The following GSN variants were observed in gnomAD, a reference collection of about 807,000 sequenced individuals.
The protein encoded by GSN is actin-depolymerizing factor.
GSN carries 56 observed loss-of-function variants against 85.7 expected under a neutral mutation model. The observed-to-expected ratio is 0.65, with a 90% CI of 0.53 to 0.82. The LOEUF is 0.82. GSN is among the 40% of genes least tolerant of loss of function. The pLI is 0.00. For missense variants in GSN, 857 were observed against 979.8 expected, an observed-to-expected ratio of 0.87 and a Z score of 1.67; for synonymous variants, 373 against 399.1, an observed-to-expected ratio of 0.93 and a Z score of 0.78.
upstream of GSN, among the ~76,000 whole-genome samples, chr9:121,206,852 C>G (rs1388148068): frequency 1.3e-5 from 2 of 152,156 alleles, no homozygotes; most frequent in African/African-American, 4.8e-5. Flanking sequence ...CAGGCGCAGG[C>G]CACCCTCCCA....
chr9:121,258,036 C>T (rs760768115), intron 6 of GSN, among the ~76,000 whole-genome samples: 12 of 152,214 alleles, frequency 7.9e-5, no homozygotes, highest in Non-Finnish European at 1.5e-4. Context: ...GTGATGATCA[C>T]AACTGTGTAA....
intron 11 of GSN, among the ~76,000 whole-genome samples, chr9:121,322,446 T>C (rs761425520): frequency 3.3e-5 from 5 of 152,258 alleles, no homozygotes; most frequent in Non-Finnish European, 5.9e-5. Flanking sequence ...AATTCCTTGA[T>C]GATGCATACT....
chr9:121,206,606 G>A (rs1027809374), upstream of GSN, among the ~76,000 whole-genome samples: 2 of 151,864 alleles, frequency 1.3e-5, no homozygotes, highest in African/African-American at 4.8e-5. Flanking sequence ...TAAAAAGCAA[G>A]CTTGAAATTT....
chr9:121,321,224 G>C (rs553447738), intron 10 of GSN, 44 bp from the exon 11 acceptor site: 1 of 1,609,974 alleles, frequency 6.2e-7, no homozygotes, highest in Non-Finnish European at 8.5e-7. Flanking sequence ...GAGCTGGGGG[G>C]TGGGGGTGCT....
In GSN at chr9:121,329,446, G is replaced by C. The variant is rs1360607255; in HGVS notation, c.1965+131G>C. The C allele has an allele frequency of 1.4e-6, 1 of 706,126 alleles. No homozygotes were observed. Among genetic ancestry groups the C allele is most frequent in the Non-Finnish European group, 2.6e-6 (1 of 384,504 alleles). The allele number at this position is 706,126 out of a possible 1,614,324, so 43.7% of individuals were successfully genotyped here. A position where few individuals can be genotyped will look rare whatever the true frequency, so the allele number is the denominator to read the frequency against. ...GGTGTTGCCAGAAAAGTCTCTAAGGGTACTGGAAGTCACTTCTTCTTTCTG... is the reference window on the plus strand; with the variant it reads ...GGTGTTGCCAGAAAAGTCTCTAAGGCTACTGGAAGTCACTTCTTCTTTCTG... On this transcript the variant is annotated intron_variant, in intron 16 of 17. Coordinates refer to ENST00000432226, the MANE Select transcript of GSN (RefSeq NM_198252.3). This position sits in a 1 kb window ranked among gnomAD's most constrained non-coding sequence, Gnocchi z 4.6.
chr9:121,217,769 T>G (rs2132097217), intron 4 of GSN, among the ~76,000 whole-genome samples: 1 of 149,218 alleles, frequency 6.7e-6, no homozygotes, highest in South Asian at 2.1e-4. Flanking sequence ...TTTAATTAAA[T>G]TTTTAAATAT....
At chr9:121,330,878 G>T in intron 16 of GSN, among the ~76,000 whole-genome samples, 1 of 152,202 alleles carries the variant, frequency 6.6e-6, no homozygotes, top group East Asian at 1.9e-4. Flanking sequence ...CCACTCATTT[G>T]TTGAACGAGT....
At chr9:121,286,132 C>G (rs1175656859) in intron 2 of GSN, 1 of 1,535,490 alleles carries the variant, frequency 6.5e-7, no homozygotes, top group Non-Finnish European at 8.7e-7. Context: ...CATAGCTCCC[C>G]CCAGCCTCGC....
At chr9:121,273,447 TC>T (rs2056258337) in intron 1 of GSN, among the ~76,000 whole-genome samples, 1 of 152,082 alleles carries the variant, frequency 6.6e-6, no homozygotes, top group African/African-American at 2.4e-5. Context: ...TACTTTTTTC[TC>T]CCCACCTCCA....
upstream of GSN, among the ~76,000 whole-genome samples, chr9:121,206,585 C>T (rs1325720632): frequency 6.6e-6 from 1 of 152,106 alleles, no homozygotes; most frequent in Non-Finnish European, 1.5e-5. Context: ...GAGGGCATGA[C>T]ATTAATGAGG....
chr9:121,226,174 C>A (rs2054269522), intron 4 of GSN, among the ~76,000 whole-genome samples: 1 of 152,180 alleles, frequency 6.6e-6, no homozygotes, highest in Admixed American at 6.5e-5. Context: ...GGAGCTCACC[C>A]AGGCTCTTCA....
At chr9:121,272,906 T>C (rs909456062) in intron 1 of GSN, among the ~76,000 whole-genome samples, 9 of 152,170 alleles carry the variant, frequency 5.9e-5, no homozygotes, top group Admixed American at 3.3e-4. Flanking sequence ...AACTCAGGCC[T>C]GGAGACGTGA....
intron 5 of GSN, chr9:121,238,625 A>G (rs1351586790): frequency 3.7e-6 from 1 of 271,722 alleles, no homozygotes; most frequent in Admixed American, 4.4e-5. Flanking sequence ...TTATGTAGAT[A>G]TCTATCCTAT....
At chr9:121,315,097 G>A (rs890473469) in intron 7 of GSN, among the ~76,000 whole-genome samples, 18 of 152,156 alleles carry the variant, frequency 1.2e-4, no homozygotes, top group African/African-American at 4.3e-4. Flanking sequence ...CTGGGCTCAT[G>A]TGATCTGCCC....
intron 3 of GSN, 142 bp downstream of exon 3, chr9:121,302,309 C>T (rs1309195371): frequency 1.7e-5 from 16 of 966,844 alleles, no homozygotes; most frequent in East Asian, 1.0e-4. Flanking sequence ...TGCCCTGAGA[C>T]GCTAGAGCCA....
At chr9:121,271,459 G>A (rs1251977399) in intron 1 of GSN, among the ~76,000 whole-genome samples, 2 of 152,200 alleles carry the variant, frequency 1.3e-5, no homozygotes, top group Non-Finnish European at 2.9e-5. Context: ...GTAGATACTA[G>A]TATCTTCTTT....
intron 6 of GSN, chr9:121,313,349 G>A (rs953237373): frequency 5.7e-6 from 1 of 174,506 alleles, no homozygotes; most frequent in Non-Finnish European, 1.2e-5. Flanking sequence ...TTCTCTGGGG[G>A]CATCCAATTC....
rs58231680 is a variant in GSN at position 121,251,187 on chromosome 9, C to CTTTTTTTTTTTTTTTTTTTTTTT, written c.-341+2877_-341+2878insTTTTTTTTTTTTTTTTTTTTTTT. 1.7e-3 allele frequency among the ~76,000 whole-genome samples: 125 copies of CTTTTTTTTTTTTTTTTTTTTTTT among 73,030 alleles called. 26 individuals carry two copies. The highest frequency in any genetic ancestry group is 1.8e-3 in the African/African-American group (28 of 15,370). 47.9% of individuals were successfully genotyped at this position (73,030 alleles called of 152,430 possible). ...ATAACATACCTACAGCTGATGTGTT[C>CTTTTTTTTTTTTTTTTTTTTTTT]TTTTTTTTTTTTTGAGATGGATTCT... is the stretch of plus-strand genomic sequence containing the variant. On this transcript the variant is annotated intron_variant, in intron 6 of 24. Coordinates refer to the GSN transcript ENST00000373823.
In GSN at chr9:121,299,726, A is replaced by C; in HGVS notation, c.-9-2237A>C. The C allele has an allele frequency of 1.9e-6, 2 of 1,058,118 alleles. No individual in the cohort carries two copies. Among genetic ancestry groups the C allele is most frequent in the Non-Finnish European group, 2.4e-6 (2 of 847,148 alleles). 65.5% of individuals were successfully genotyped at this position (1,058,118 alleles called of 1,614,324 possible). A position where few individuals can be genotyped will look rare whatever the true frequency, so the allele number is the denominator to read the frequency against. ...CCGGGTGGGAACCCAGATGTCTCCA[A>C]GATCCGAGACAGATCCCCGCCCCGC... is the stretch of plus-strand genomic sequence containing the variant. On this transcript the variant is annotated intron_variant, in intron 2 of 17. Coordinates refer to ENST00000432226, the MANE Select transcript of GSN (RefSeq NM_198252.3). The surrounding 1 kb of genome is among the most constrained non-coding windows in gnomAD (Gnocchi z 4.2).
Sources: gnomAD v4.1 joint callset for allele counts (sites outside exome capture counted in the v4.1 genomes callset) on GRCh38, gnomAD v4.1.1 for gene constraint, Gnocchi (gnomAD v3.1) non-coding constraint, MANE v1.5 for transcripts, NCBI Gene and HGNC (gene_info 2026-07-23, HGNC 2026-07-21) for gene names.